The following CYTIP variants were observed in gnomAD, a reference collection of about 807,000 sequenced individuals.
The protein encoded by CYTIP is cytohesin 1 interacting protein.
In CYTIP, 26 loss-of-function variants were observed where a neutral mutation model predicts 43.8. That is an observed-to-expected ratio of 0.59 (90% CI 0.44 to 0.82). The LOEUF is 0.82. CYTIP is among the 40% of genes least tolerant of loss of function. The probability of loss-of-function intolerance (pLI) is 0.00; values close to 1 mark genes in which losing one functional copy is unlikely to be tolerated. For missense variants in CYTIP, 426 were observed against 443.1 expected, an observed-to-expected ratio of 0.96 and a Z score of 0.35; for synonymous variants, 162 against 162.9, an observed-to-expected ratio of 0.99 and a Z score of 0.04.
chr2:157,438,381 G>A (rs547484728), intron 1 of CYTIP, among the ~76,000 whole-genome samples: 1 of 152,246 alleles, frequency 6.6e-6, no homozygotes, highest in African/African-American at 2.4e-5. Flanking sequence ...GGAAGGGTTG[G>A]GGGAAGAAAT....
intron 6 of CYTIP, among the ~76,000 whole-genome samples, chr2:157,419,983 C>T (rs1418096728): frequency 1.3e-5 from 2 of 152,166 alleles, no homozygotes; most frequent in African/African-American, 4.8e-5. Flanking sequence ...CAATCAAATG[C>T]TTGACTCAAT....
intron 5 of CYTIP, among the ~76,000 whole-genome samples, chr2:157,430,022 CAAA>C (rs768455650): frequency 7.6e-5 from 4 of 52,686 alleles, no homozygotes; most frequent in Non-Finnish European, 8.0e-5. Flanking sequence ...GACTCCGTCT[CAAA>C]AAAAAAAAAA....
At chr2:157,417,252 T>C (rs1440993575) in intron 7 of CYTIP, among the ~76,000 whole-genome samples, 1 of 152,204 alleles carries the variant, frequency 6.6e-6, no homozygotes, top group Non-Finnish European at 1.5e-5. Context: ...ACCTACTTCA[T>C]TTCATCTTGC....
chr2:157,443,984 C>T lies in CYTIP; in HGVS notation c.37G>A (p.Gly13Ser). Residue 13 changes from glycine (G) to serine (S), a missense_variant, in exon 1 of 8, where the codon GGC (glycine) becomes AGC (serine). Transcript: ENST00000264192. ...LQRLLQHSSN[G>S]NLADFCAGPA... ...CCAGCGCAGAAGTCCGCCAAATTGC[C>T]ATTGCTGCTGTGTTGCAGGAGCCTT... 1 of 1,614,068 alleles carries T rather than the reference C, an allele frequency of 6.2e-7. No individual in the cohort carries two copies. The highest frequency in any genetic ancestry group is 8.5e-7 in the Non-Finnish European group (1 of 1,179,934).
intron 6 of CYTIP, among the ~76,000 whole-genome samples, chr2:157,426,231 G>T (rs1685605300): frequency 6.6e-6 from 1 of 152,012 alleles, no homozygotes; most frequent in African/African-American, 2.4e-5. Flanking sequence ...GTCCATAAAA[G>T]ATCTGAATAA....
At chr2:157,441,709 T>A (rs1213168773) in intron 1 of CYTIP, among the ~76,000 whole-genome samples, 1 of 152,160 alleles carries the variant, frequency 6.6e-6, no homozygotes, top group Non-Finnish European at 1.5e-5. Context: ...CTGATTGCCT[T>A]CTTTCAGTTC....
At chr2:157,443,799 C>A in intron 1 of CYTIP, 48 bp downstream of exon 1, 1 of 1,580,908 alleles carries the variant, frequency 6.3e-7, no homozygotes. Context: ...ATCACTCTGC[C>A]CTCAAGAGAA....
chr2:157,425,540 T>A (rs932193523), intron 6 of CYTIP, among the ~76,000 whole-genome samples: 42 of 152,248 alleles, frequency 2.8e-4, no homozygotes, highest in African/African-American at 9.9e-4. Flanking sequence ...TGGAAGAGGA[T>A]GGAGATACTG....
At chr2:157,421,552 T>C (rs1685521966) in intron 6 of CYTIP, among the ~76,000 whole-genome samples, 1 of 152,192 alleles carries the variant, frequency 6.6e-6, no homozygotes, top group African/African-American at 2.4e-5. Flanking sequence ...ACCCAGTAAA[T>C]AGCAGAAGTA....
rs1426623614 is a variant in CYTIP at position 157,444,062 on chromosome 2, C to T, written c.-42G>A. The T allele has an allele frequency of 2.5e-6, 4 of 1,592,838 alleles. No individual in the cohort carries two copies. On this transcript the variant is annotated 5_prime_UTR_variant, in exon 1 of 8. Coordinates refer to ENST00000264192, the MANE Select transcript of CYTIP (RefSeq NM_004288.5). ...TCCAGCTAGCACATGGTTGAGTGGC[C>T]TTGCAGGATGGGGGAAGCTAAAAGT...
Position 157,444,079 on chromosome 2 carries a change from G to T in CYTIP, c.-59C>A. 1 of 1,539,950 alleles carries T rather than the reference G, an allele frequency of 6.5e-7. No homozygotes were observed. The highest frequency in any genetic ancestry group is 8.9e-7 in the Non-Finnish European group (1 of 1,124,480). On this transcript the variant is annotated 5_prime_UTR_variant, in exon 1 of 8. Transcript: ENST00000264192. ...TGAGTGGCCTTGCAGGATGGGGGAAGCTAAAAGTACAACTGTGACAAGTAA... is the reference window on the plus strand; with the variant it reads ...TGAGTGGCCTTGCAGGATGGGGGAATCTAAAAGTACAACTGTGACAAGTAA...
rs540858410 is a variant in CYTIP, at chr2:157,419,426, C to G, written c.547-837G>C. Among the ~76,000 whole-genome samples, 5 of 152,346 alleles carry G rather than the reference C, an allele frequency of 3.3e-5. No homozygotes were observed. The South Asian group carries it at 1.0e-3, about 32-fold the overall frequency. On this transcript the variant is annotated intron_variant, in intron 6 of 7. Coordinates refer to ENST00000264192, the MANE Select transcript of CYTIP (RefSeq NM_004288.5). Reference sequence around the variant, plus strand: ...CTCCCTTCTTGGCTGCCCCAGCACACGAGAGCTGAGACCCACAGTGGGAAT... The same window carrying G: ...CTCCCTTCTTGGCTGCCCCAGCACAGGAGAGCTGAGACCCACAGTGGGAAT...
intron 6 of CYTIP, among the ~76,000 whole-genome samples, chr2:157,420,074 G>A (rs1014819557): frequency 1.3e-5 from 2 of 152,206 alleles, no homozygotes; most frequent in Admixed American, 6.5e-5. Flanking sequence ...AGTGGCTTAC[G>A]CCTGTAATCT....
intron 6 of CYTIP, among the ~76,000 whole-genome samples, chr2:157,419,174 C>T (rs1685482870): frequency 6.6e-6 from 1 of 152,092 alleles, no homozygotes; most frequent in South Asian, 2.1e-4. Flanking sequence ...AAATTTCTGT[C>T]TTTTTAGTAG....
chr2:157,437,772 A>T (rs1037874131), intron 1 of CYTIP, among the ~76,000 whole-genome samples: 2 of 152,166 alleles, frequency 1.3e-5, no homozygotes, highest in African/African-American at 4.8e-5. Flanking sequence ...ATATGAAAAA[A>T]TGCTCAATAT....
intron 1 of CYTIP, among the ~76,000 whole-genome samples, chr2:157,440,573 A>G (rs1377757209): frequency 1.3e-5 from 2 of 152,170 alleles, no homozygotes; most frequent in Non-Finnish European, 2.9e-5. Context: ...TGCCGGACAC[A>G]CCGTGAAAGC....
intron 6 of CYTIP, among the ~76,000 whole-genome samples, chr2:157,422,731 C>T (rs935586334): frequency 1.3e-5 from 2 of 149,826 alleles, no homozygotes; most frequent in East Asian, 3.9e-4. Context: ...TTTTTATAAT[C>T]CTCTGAGAGA....
chr2:157,429,096 A>G (rs116724126), intron 5 of CYTIP, among the ~76,000 whole-genome samples: 1 of 152,378 alleles, frequency 6.6e-6, no homozygotes, highest in African/African-American at 2.4e-5. Context: ...GACACAATAT[A>G]TGACCCACCT....
At chr2:157,440,260 C>T (rs976164986) in intron 1 of CYTIP, among the ~76,000 whole-genome samples, 3 of 152,176 alleles carry the variant, frequency 2.0e-5, no homozygotes, top group Non-Finnish European at 4.4e-5. Context: ...ATCAACGCTC[C>T]ACAGACTATT....
Sources: allele counts gnomAD v4.1 joint callset (sites outside exome capture counted in the v4.1 genomes callset), GRCh38; gene constraint gnomAD v4.1.1; transcripts MANE v1.5; gene names NCBI Gene and HGNC (gene_info 2026-07-23, HGNC 2026-07-21).